The following PIK3C2G variants were observed in gnomAD, a reference collection of about 807,000 sequenced individuals.
PIK3C2G encodes phosphatidylinositol 3-kinase C2 domain-containing subunit gamma.
PIK3C2G carries 168 observed loss-of-function variants against 181.1 expected under a neutral mutation model. That is an observed-to-expected ratio of 0.93 (90% CI 0.82 to 1.05). PIK3C2G has a LOEUF of 1.05. Among genes scored for constraint, PIK3C2G ranks in the 50% least tolerant of loss-of-function variants. PIK3C2G has a pLI of 0.00. For missense variants in PIK3C2G, 1,869 were observed against 1,732.8 expected, an observed-to-expected ratio of 1.08 and a Z score of -1.40; for synonymous variants, 573 against 592.2, an observed-to-expected ratio of 0.97 and a Z score of 0.47.
chr12:18,650,694 GTGTGTGTGTGTATATATCTATATA>G (rs1565602322), downstream of PIK3C2G, among the ~76,000 whole-genome samples: 170 of 38,838 alleles, frequency 4.4e-3, 3 homozygotes, highest in Non-Finnish European at 5.3e-3. Context: ...GTGTGTGTGT[GTGTGTGTGTGTATATATCTATATA>G]TATATATATA....
At chr12:18,460,668 G>T (rs1022853427) in intron 18 of PIK3C2G, among the ~76,000 whole-genome samples, 1 of 146,176 alleles carries the variant, frequency 6.8e-6, no homozygotes, top group Non-Finnish European at 1.5e-5. Flanking sequence ...ACACTGCCTA[G>T]AATAATTAAA....
intron 31 of PIK3C2G, among the ~76,000 whole-genome samples, chr12:18,618,929 A>G (rs915261901): frequency 6.6e-6 from 1 of 152,148 alleles, no homozygotes; most frequent in Admixed American, 6.5e-5. Context: ...TTGAAATAAA[A>G]GAGAACAGAA....
intron 6 of PIK3C2G, among the ~76,000 whole-genome samples, chr12:18,319,737 C>G (rs1951023563): frequency 6.6e-6 from 1 of 152,122 alleles, no homozygotes; most frequent in South Asian, 2.1e-4. Flanking sequence ...TCAAATCTTA[C>G]TTATTTTTAC....
At chr12:18,477,867 C>T (rs1057081772) in intron 18 of PIK3C2G, among the ~76,000 whole-genome samples, 7 of 152,140 alleles carry the variant, frequency 4.6e-5, no homozygotes, top group African/African-American at 1.7e-4. Context: ...ATAAACCTGC[C>T]TCTCCAGCTG....
chr12:18,257,254 G>C (rs1565525125), upstream of PIK3C2G, among the ~76,000 whole-genome samples: 1 of 152,152 alleles, frequency 6.6e-6, no homozygotes, highest in Non-Finnish European at 1.5e-5. Context: ...AACAGGTTAA[G>C]AAAAGATACG....
At chr12:18,281,430 T>C (rs1209198416) in intron 1 of PIK3C2G, among the ~76,000 whole-genome samples, 1 of 152,024 alleles carries the variant, frequency 6.6e-6, no homozygotes, top group Non-Finnish European at 1.5e-5. Flanking sequence ...TGGAAAACTG[T>C]CTTTTGAATT....
the PIK3C2G span, among the ~76,000 whole-genome samples, chr12:18,675,829 A>G: frequency 2.0e-5 from 3 of 151,638 alleles, no homozygotes; most frequent in Admixed American, 2.0e-4. Flanking sequence ...GTACAAATGA[A>G]CAGATAGGTA....
intron 25 of PIK3C2G, among the ~76,000 whole-genome samples, chr12:18,542,015 A>C (rs537396491): frequency 6.6e-6 from 1 of 151,942 alleles, no homozygotes; most frequent in South Asian, 2.1e-4. Context: ...CTAGTGTGTG[A>C]CATGTGTGGG....
chr12:18,487,089 A>C (rs1218182105), intron 18 of PIK3C2G, among the ~76,000 whole-genome samples: 1 of 101,466 alleles, frequency 9.9e-6, no homozygotes, highest in Non-Finnish European at 2.1e-5. Flanking sequence ...TAGTCCCTTG[A>C]GGTATTTTGT....
intron 31 of PIK3C2G, among the ~76,000 whole-genome samples, chr12:18,612,184 G>T (rs1692055770): frequency 6.6e-6 from 1 of 151,878 alleles, no homozygotes; most frequent in African/African-American, 2.4e-5. Flanking sequence ...GCTGCCCCAG[G>T]ACCTTTGTAT....
intron 31 of PIK3C2G, among the ~76,000 whole-genome samples, chr12:18,637,524 C>A (rs1238645284): frequency 1.3e-5 from 2 of 151,972 alleles, no homozygotes; most frequent in African/African-American, 4.8e-5. Context: ...GTTCTGATAG[C>A]TGCTTTGGCC....
the PIK3C2G span, among the ~76,000 whole-genome samples, chr12:18,685,984 G>A: frequency 6.6e-6 from 1 of 151,822 alleles, no homozygotes; most frequent in Non-Finnish European, 1.5e-5. Flanking sequence ...TCCTAGACAT[G>A]ACCAAAACTG....
Position 18,346,689 on chromosome 12 carries a change from T to G in PIK3C2G, c.1478T>G (p.Leu493Arg). Residue 493 changes from leucine to arginine, a missense_variant, in exon 11 of 33, where the codon CTA (leucine) becomes CGA (arginine). Transcript: ENST00000538779. ...TTELSTSIYQ[L>R]INVYCNSFYA... ...GAACTATCCACATCCATCTACCAGCTAATCAATGTCTACTGTAACAGCTTT... is the reference window on the plus strand; with the variant it reads ...GAACTATCCACATCCATCTACCAGCGAATCAATGTCTACTGTAACAGCTTT... The G allele has an allele frequency of 1.2e-6, 2 of 1,613,364 alleles. No homozygotes were observed. The highest frequency in any genetic ancestry group is 1.7e-6 in the Non-Finnish European group (2 of 1,179,400).
At chr12:18,585,200 A>C (rs1325914268) in intron 29 of PIK3C2G, among the ~76,000 whole-genome samples, 1 of 152,092 alleles carries the variant, frequency 6.6e-6, no homozygotes, top group African/African-American at 2.4e-5. Flanking sequence ...ACAAAACTAA[A>C]CTTGAATGTA....
intron 31 of PIK3C2G, among the ~76,000 whole-genome samples, chr12:18,627,331 A>G (rs979800639): frequency 2.6e-5 from 4 of 152,072 alleles, no homozygotes; most frequent in Non-Finnish European, 5.9e-5. Flanking sequence ...GAATTATTTT[A>G]CGGAGTTATT....
rs959108494 is a variant in PIK3C2G, at chr12:18,251,261, T to C, written c.-79+3179T>C. Reference sequence around the variant, plus strand: ...AACAAGAACCTATTCAGTGGTCAAATGAAAACTGTTATATTTAGAATGGAA... The same window carrying C: ...AACAAGAACCTATTCAGTGGTCAAACGAAAACTGTTATATTTAGAATGGAA... On this transcript the variant is annotated intron_variant, in intron 1 of 11. Coordinates refer to the PIK3C2G transcript ENST00000535651. 5.3e-5 allele frequency among the ~76,000 whole-genome samples: 8 copies of C among 151,982 alleles called. No homozygotes were observed. In the East Asian group the frequency reaches 1.5e-3, roughly 29 times the overall value.
chr12:18,263,345 C>T (rs1948333118), intron 1 of PIK3C2G, among the ~76,000 whole-genome samples: 1 of 152,004 alleles, frequency 6.6e-6, no homozygotes, highest in Non-Finnish European at 1.5e-5. Context: ...TTAAAATTAG[C>T]CAAATATATG....
At chr12:18,330,502 T>G (rs181713695) in intron 8 of PIK3C2G, among the ~76,000 whole-genome samples, 1 of 152,320 alleles carries the variant, frequency 6.6e-6, no homozygotes, top group Admixed American at 6.5e-5. Flanking sequence ...TATGTGGCAA[T>G]ATTTCCTTCA....
rs115100931 is a variant in PIK3C2G at position 18,437,904 on chromosome 12, T to C, written c.2504+13865T>C. Among the ~76,000 whole-genome samples, 1,064 of 152,042 alleles carry C rather than the reference T, an allele frequency of 7.0e-3. 6 individuals carry two copies. Among genetic ancestry groups the C allele is most frequent in the African/African-American group, 0.019 (780 of 41,566 alleles). ...AGCGTATTGAGGAAAGAGAGTTTTA[T>C]GTTAGTCATTCATTCTTTAATTCAA... is the stretch of plus-strand genomic sequence containing the variant. On this transcript the variant is annotated intron_variant, in intron 18 of 32. Coordinates refer to ENST00000538779, the MANE Select transcript of PIK3C2G (RefSeq NM_001288772.2).
Sources: gnomAD v4.1 joint callset for allele counts (sites outside exome capture counted in the v4.1 genomes callset) on GRCh38, gnomAD v4.1.1 for gene constraint, MANE v1.5 for transcripts, NCBI Gene and HGNC (gene_info 2026-07-23, HGNC 2026-07-21) for gene names.